Variants in MRPS18C observed in about 807,000 individuals in gnomAD.
MRPS18C encodes the protein small ribosomal subunit protein bS18m.
In MRPS18C, 21 loss-of-function variants were observed where a neutral mutation model predicts 21.0. The observed-to-expected ratio is 1.00, with a 90% CI of 0.71 to 1.44. The LOEUF (loss-of-function observed/expected upper bound fraction) is 1.44. Among genes scored for constraint, MRPS18C ranks in the 40% most tolerant of loss-of-function variants. The pLI, the probability that MRPS18C is intolerant of heterozygous loss-of-function variation, is 0.00. For missense variants in MRPS18C, 152 were observed against 171.5 expected (o/e 0.89, Z 0.64); for synonymous variants, 65 against 54.3 (o/e 1.20, Z -0.87).
At position 83,456,804 on chromosome 4, in the gene MRPS18C, T is replaced by C. The variant is rs577525437; in HGVS notation, c.101-105T>C. 2.5e-5 allele frequency: 28 copies of C among 1,124,498 alleles called. No individual in the cohort carries two copies. In the East Asian group the frequency reaches 6.2e-4, roughly 25 times the overall value. 69.7% of individuals were successfully genotyped at this position (1,124,498 alleles called of 1,614,324 possible). ...TCTGAATATAATACAAAACCTTTCT[T>C]TAATATCGTGTCCCTTAATTCATCC... On this transcript the variant is annotated intron_variant, in intron 1 of 5. Coordinates refer to ENST00000295491, the MANE Select transcript of MRPS18C (RefSeq NM_016067.4).
At chr4:83,460,375 G>C (rs888392626) in intron 4 of MRPS18C, 28 of 152,128 alleles carry the variant, frequency 1.8e-4, no homozygotes, top group African/African-American at 6.3e-4. Flanking sequence ...GGCTGGTCTT[G>C]AATTCCTGAC....
Position 83,456,922 on chromosome 4 carries a change from A to T in MRPS18C, c.114A>T (p.Arg38Ser). The change falls in exon 2 of 6, where the codon AGA (arginine) becomes AGT (serine). Residue 38 changes from arginine (R) to serine (S), a missense_variant. Physicochemically the swap from Arg to Ser is moderately radical, Grantham distance 110 (BLOSUM62 -1). Transcript: ENST00000295491. ...HPGTHTVLWRRGCSQQVSSNE... is the reference protein window; with the variant it reads ...HPGTHTVLWRSGCSQQVSSNE... ...GTTTAATCGCAGTGCTTTGGAGAAGAGGTTGTTCACAACAGGTATCCAGCA... is the reference window on the plus strand; with the variant it reads ...GTTTAATCGCAGTGCTTTGGAGAAGTGGTTGTTCACAACAGGTATCCAGCA... The T allele has an allele frequency of 6.2e-7, 1 of 1,612,554 alleles. No individual in the cohort carries two copies. Among genetic ancestry groups the T allele is most frequent in the Non-Finnish European group, 8.5e-7 (1 of 1,179,876 alleles).
At position 83,461,159 on chromosome 4, in the gene MRPS18C, A is replaced by T; in HGVS notation, c.391A>T (p.Lys131Ter). ...PVTYKDPAYL[K>*]DPKVCNIRYR... ...TACATACAAGGATCCTGCATATCTC[A>T]AGGACCCTAAAGTTTGTAACATCAG... Residue 131 changes from lysine (K) to a stop codon, truncating the protein, a stop_gained, in exon 6 of 6, where the codon AAG becomes TAG. Transcript: ENST00000295491. LOFTEE classifies it high-confidence loss of function. 5.6e-6 allele frequency: 9 copies of T among 1,610,954 alleles called. No individual in the cohort carries two copies. The highest frequency in any genetic ancestry group is 7.6e-6 in the Non-Finnish European group (9 of 1,177,972).
chr4:83,461,122 G>A lies in MRPS18C; in HGVS notation c.354G>A (p.Gly118=), dbSNP rs1386416938. 3.7e-6 allele frequency: 6 copies of A among 1,613,610 alleles called. No individual in the cohort carries two copies. The highest frequency in any genetic ancestry group is 5.1e-6 in the Non-Finnish European group (6 of 1,179,782). Residue 118 remains glycine (G), a splice_region_variant and synonymous_variant, in exon 6 of 6, where the codon GGG becomes GGA. Transcript: ENST00000295491. ...AGAACTTTAATTATCTCTTTACAGGGTTTATGCCAGTTACATACAAGGATC... is the reference window on the plus strand; with the variant it reads ...AGAACTTTAATTATCTCTTTACAGGATTTATGCCAGTTACATACAAGGATC... ...TKAIKRAQIM[G]FMPVTYKDPA...
chr4:83,456,501 C>T (rs1338900136), intron 1 of MRPS18C, among the ~76,000 whole-genome samples: 1 of 152,120 alleles, frequency 6.6e-6, no homozygotes, highest in East Asian at 1.9e-4. Context: ...CCAAACAGAA[C>T]AAAATTGCAT....
chr4:83,456,966 T>A lies in MRPS18C; in HGVS notation c.150+8T>A, dbSNP rs1260929579. On this transcript the variant is annotated splice_region_variant and intron_variant, in intron 2 of 5. Transcript: ENST00000295491. ...TCCAGCAATGAGGACCTGGTAAGAA[T>A]TTTTTTTTCTATTAGTAAGGCCTTT... The A allele has an allele frequency of 6.2e-6, 10 of 1,601,294 alleles. No individual in the cohort carries two copies.
chr4:83,459,871 A>G, intron 4 of MRPS18C, 74 bp downstream of exon 4: 2 of 1,322,278 alleles, frequency 1.5e-6, no homozygotes, highest in South Asian at 2.6e-5. Flanking sequence ...ATTTAAGAAA[A>G]CTCAAATTTT....
chr4:83,460,930 A>G (rs1409360875), intron 4 of MRPS18C, 43 bp from the exon 5 acceptor site: 2 of 1,563,210 alleles, frequency 1.3e-6, no homozygotes, highest in Non-Finnish European at 1.7e-6. Flanking sequence ...CAAACTTTAA[A>G]TATTGACATT....
Position 83,461,487 on chromosome 4 carries a change from A to G in MRPS18C, c.*290A>G. ...ATAGAATGGAATTAAAACTGTTCAG[A>G]ATGATTTTCCAACTAGCAAATATAA... On this transcript the variant is annotated 3_prime_UTR_variant, in exon 6 of 6. Transcript: ENST00000295491. 2.9e-6 allele frequency: 1 copy of G among 344,546 alleles called. No individual in the cohort carries two copies. The highest frequency in any genetic ancestry group is 4.8e-5 in the South Asian group (1 of 20,926). The allele number at this position is 344,546 out of a possible 1,614,324, so 21.3% of individuals were successfully genotyped here. A position where few individuals can be genotyped will look rare whatever the true frequency, so the allele number is the denominator to read the frequency against.
rs1198563114 is a variant in MRPS18C at position 83,460,965 on chromosome 4, T to G, written c.293-8T>G. On this transcript the variant is annotated splice_region_variant and splice_polypyrimidine_tract_variant and intron_variant, in intron 4 of 5. Transcript: ENST00000295491. ...TTTTTATGAATAAGAAAGCTTTTTA[T>G]TTTACAGGTCTTTGTGGGAAGAAAC... 1 of 1,589,798 alleles carries G rather than the reference T, an allele frequency of 6.3e-7. No homozygotes were observed. The highest frequency in any genetic ancestry group is 8.5e-7 in the Non-Finnish European group (1 of 1,173,426).
Position 83,462,227 on chromosome 4 carries a change from A to C in MRPS18C, c.*1030A>C. The C allele has an allele frequency of 2.2e-6, 1 of 461,938 alleles. No homozygotes were observed. The highest frequency in any genetic ancestry group is 2.7e-5 in the South Asian group (1 of 37,572). 28.6% of individuals were successfully genotyped at this position (461,938 alleles called of 1,614,324 possible). Reference sequence around the variant, plus strand: ...CAATTCTAAAGAATGTGTCTGTGTAAGCCTTCCCCTCAACAACTTAGTGAA... The same window carrying C: ...CAATTCTAAAGAATGTGTCTGTGTACGCCTTCCCCTCAACAACTTAGTGAA... On this transcript the variant is annotated 3_prime_UTR_variant, in exon 6 of 6. Transcript: ENST00000295491.
chr4:83,458,396 G>T lies in MRPS18C; in HGVS notation c.201G>T (p.Leu67Phe), dbSNP rs368595823. ...PYKEPLKKCI[L>F]CGKHVDYKNV... Reference sequence around the variant, plus strand: ...AAGAACCTCTTAAGAAATGTATCTTGTGTGGAAAGCATGTAGATTATAAGA... The same window carrying T: ...AAGAACCTCTTAAGAAATGTATCTTTTGTGGAAAGCATGTAGATTATAAGA... Residue 67 changes from leucine (L) to phenylalanine (F), a missense_variant, in exon 3 of 6, where the codon TTG (leucine) becomes TTT (phenylalanine). Transcript: ENST00000295491. The T allele has an allele frequency of 1.9e-6, 3 of 1,605,600 alleles. No homozygotes were observed. In the East Asian group the frequency reaches 6.7e-5, roughly 36 times the overall value.
chr4:83,461,288 T>C lies in MRPS18C; in HGVS notation c.*91T>C, dbSNP rs1268297549. The C allele has an allele frequency of 6.3e-6, 7 of 1,102,706 alleles. No individual in the cohort carries two copies. The African/African-American group carries it at 1.1e-4, about 17-fold the overall frequency. The allele number at this position is 1,102,706 out of a possible 1,614,324, so 68.3% of individuals were successfully genotyped here. A position where few individuals can be genotyped will look rare whatever the true frequency, so the allele number is the denominator to read the frequency against. On this transcript the variant is annotated 3_prime_UTR_variant, in exon 6 of 6. Transcript: ENST00000295491. ...TCAAACCAACCTTTGGATAGAAAAG[T>C]GTTTGAGGAGTGAGGTAAAGAATGA...
chr4:83,460,952 A>C, intron 4 of MRPS18C, 21 bp from the exon 5 acceptor site: 1 of 1,584,284 alleles, frequency 6.3e-7, no homozygotes, highest in Non-Finnish European at 8.5e-7. Context: ...TTTATGAATA[A>C]GAAAGCTTTT....
chr4:83,462,082 A>T lies in MRPS18C; in HGVS notation c.*885A>T, dbSNP rs758138820. On this transcript the variant is annotated 3_prime_UTR_variant, in exon 6 of 6. Transcript: ENST00000295491. ...TTTTCCATTTTATTTTTTAATAGAC[A>T]TGGTCTCAATACGTTGCCCAGGCTG... 1.3e-5 allele frequency: 3 copies of T among 235,146 alleles called. No individual in the cohort carries two copies. Among genetic ancestry groups the T allele is most frequent in the South Asian group, 1.8e-4 (1 of 5,584 alleles). The allele number at this position is 235,146 out of a possible 1,614,324, so 14.6% of individuals were successfully genotyped here.
chr4:83,459,952 C>G (rs1264866441), intron 4 of MRPS18C, 155 bp downstream of exon 4: 2 of 574,844 alleles, frequency 3.5e-6, no homozygotes, highest in African/African-American at 1.9e-5. Flanking sequence ...GAAAAAGTCT[C>G]TTAGGCCAAG....
chr4:83,459,999 A>G (rs1333094962), intron 4 of MRPS18C: 3 of 420,784 alleles, frequency 7.1e-6, no homozygotes, highest in Admixed American at 4.2e-5. Context: ...AGAGTTAACT[A>G]TATAGAAAAA....
intron 4 of MRPS18C, chr4:83,460,073 T>G (rs1043315674): frequency 8.4e-6 from 2 of 238,606 alleles, no homozygotes; most frequent in African/African-American, 4.5e-5. Flanking sequence ...AGATTGATAC[T>G]TAAACTTGGT....
At chr4:83,459,491 A>C in intron 3 of MRPS18C, 1 of 357,786 alleles carries the variant, frequency 2.8e-6, no homozygotes, top group Non-Finnish European at 5.0e-6. Flanking sequence ...GGAAGTCAAG[A>C]AAACAGATTT....
Sources: allele counts gnomAD v4.1 joint callset (sites outside exome capture counted in the v4.1 genomes callset), GRCh38; gene constraint gnomAD v4.1.1; transcripts MANE v1.5; gene names NCBI Gene and HGNC (gene_info 2026-07-23, HGNC 2026-07-21).